The following KANSL1 variants were observed in gnomAD, a reference collection of about 807,000 sequenced individuals.
KANSL1 encodes the protein MLL1/MLL complex subunit KANSL1.
KANSL1 carries 22 observed loss-of-function variants against 103.6 expected under a neutral mutation model. The observed-to-expected ratio is 0.21, with a 90% CI of 0.15 to 0.30. The LOEUF is 0.30. Ranked by LOEUF, KANSL1 falls within the 10% of genes least tolerant of loss-of-function variation. KANSL1 has a pLI of 1.00. For missense variants in KANSL1, 1,337 were observed against 1,399.8 expected, an observed-to-expected ratio of 0.96 and a Z score of 0.72; for synonymous variants, 600 against 527.6, an observed-to-expected ratio of 1.14 and a Z score of -1.88.
chr17:46,191,192 C>T (rs981999634), intron 1 of KANSL1, among the ~76,000 whole-genome samples: 1 of 152,176 alleles, frequency 6.6e-6, no homozygotes, highest in Non-Finnish European at 1.5e-5. Context: ...AAAGGAATAA[C>T]ATACTTCTAA....
At chr17:46,086,307 C>CTATT (rs2079161658) in intron 3 of KANSL1, among the ~76,000 whole-genome samples, 1 of 152,196 alleles carries the variant, frequency 6.6e-6, no homozygotes, top group Admixed American at 6.5e-5. Flanking sequence ...TAGGGACCAT[C>CTATT]TATTCATCGA....
At chr17:46,199,927 T>C (rs915165535) in intron 1 of KANSL1, among the ~76,000 whole-genome samples, 1 of 152,164 alleles carries the variant, frequency 6.6e-6, no homozygotes, top group Non-Finnish European at 1.5e-5. Context: ...CCAAGATTGT[T>C]GGTCTTCTCC....
At chr17:46,210,053 C>T (rs1249841677) in intron 1 of KANSL1, among the ~76,000 whole-genome samples, 1 of 152,244 alleles carries the variant, frequency 6.6e-6, no homozygotes, top group Non-Finnish European at 1.5e-5. Context: ...ACTGCCCAAA[C>T]TAGCAAATCT....
upstream of KANSL1, among the ~76,000 whole-genome samples, chr17:46,198,247 A>G (rs1307631507): frequency 2.0e-5 from 3 of 152,168 alleles, no homozygotes; most frequent in South Asian, 4.1e-4. Context: ...GCTCTGTAAA[A>G]TGGAGATAGT....
At chr17:46,153,416 A>G (rs2045234850) in intron 2 of KANSL1, among the ~76,000 whole-genome samples, 1 of 152,262 alleles carries the variant, frequency 6.6e-6, no homozygotes, top group South Asian at 2.1e-4. Context: ...CTGTGGAAAT[A>G]AATGTTCTGG....
chr17:46,118,345 A>C (rs917713545), intron 2 of KANSL1, among the ~76,000 whole-genome samples: 2 of 152,242 alleles, frequency 1.3e-5, no homozygotes, highest in Non-Finnish European at 2.9e-5. Flanking sequence ...ACTATTAGCT[A>C]AACAGTAGCC....
intron 7 of KANSL1, chr17:46,042,686 C>A (rs988159288): frequency 2.0e-5 from 3 of 151,828 alleles, no homozygotes; most frequent in Non-Finnish European, 2.9e-5. Flanking sequence ...TTTAGCCACT[C>A]CTGCCTATGG....
intron 2 of KANSL1, chr17:46,170,404 C>T (rs2046222994): frequency 5.7e-6 from 1 of 174,878 alleles, no homozygotes; most frequent in African/African-American, 2.4e-5. Context: ...GGTGTGCTCT[C>T]TGCTGAAAGT....
intron 3 of KANSL1, among the ~76,000 whole-genome samples, chr17:46,085,151 T>C (rs116711646): frequency 0.026 from 3,935 of 152,290 alleles, 174 homozygotes; most frequent in African/African-American, 0.09. Context: ...AATGTTTCAA[T>C]GAATGTGAAG....
chr17:46,135,542 A>ATTTTTTTTTTTTTTT (rs34258265), intron 2 of KANSL1, among the ~76,000 whole-genome samples: 2 of 119,076 alleles, frequency 1.7e-5, no homozygotes, highest in Non-Finnish European at 3.4e-5. Flanking sequence ...TCAACTATAC[A>ATTTTTTTTTTTTTTT]TTTTTTTTTT....
At chr17:46,142,212 C>CA (rs1269842674) in intron 2 of KANSL1, among the ~76,000 whole-genome samples, 1 of 152,194 alleles carries the variant, frequency 6.6e-6, no homozygotes, top group African/African-American at 2.4e-5. Context: ...AAGCTAAAGG[C>CA]AAAAGATCAA....
chr17:46,119,571 C>T (rs1208651799), intron 2 of KANSL1, among the ~76,000 whole-genome samples: 6 of 152,224 alleles, frequency 3.9e-5, no homozygotes, highest in African/African-American at 7.2e-5. Context: ...CCTCCCAAAG[C>T]GCTGGGGATA....
chr17:46,124,233 TATAAA>T (rs2043415231), intron 2 of KANSL1, among the ~76,000 whole-genome samples: 1 of 152,242 alleles, frequency 6.6e-6, no homozygotes. Flanking sequence ...ACCCCGTCTC[TATAAA>T]ATAAAATAAA....
chr17:46,116,542 C>CCAACAACAA (rs113260576), intron 2 of KANSL1, among the ~76,000 whole-genome samples: 5 of 151,984 alleles, frequency 3.3e-5, no homozygotes, highest in African/African-American at 4.8e-5. Context: ...AAAACAAAAA[C>CCAACAACAA]CAACAACAAC....
intron 2 of KANSL1, 112 bp from the exon 3 acceptor site, chr17:46,094,813 G>C (rs2041992745): frequency 1.6e-6 from 2 of 1,278,762 alleles, no homozygotes; most frequent in Non-Finnish European, 1.1e-6. Flanking sequence ...ACTAACTCTA[G>C]TGTCAAGAAA....
At chr17:46,100,825 A>T (rs1284612542) in intron 2 of KANSL1, among the ~76,000 whole-genome samples, 1 of 152,254 alleles carries the variant, frequency 6.6e-6, no homozygotes, top group Non-Finnish European at 1.5e-5. Flanking sequence ...AAATTTTTTT[A>T]AATCTCATTA....
intron 1 of KANSL1, among the ~76,000 whole-genome samples, chr17:46,190,143 A>G (rs889996757): frequency 6.6e-6 from 1 of 152,262 alleles, no homozygotes. Context: ...CAGAAGACGC[A>G]GAGACACTGG....
intron 10 of KANSL1, chr17:46,035,217 A>C (rs984092075): frequency 2.0e-5 from 3 of 152,482 alleles, no homozygotes; most frequent in African/African-American, 7.2e-5. Context: ...GTGGCATAAC[A>C]AACACGCTGC....
rs1425463922 is a variant in KANSL1, at chr17:46,051,081, A to G, written c.1849-377T>C. On this transcript the variant is annotated intron_variant, in intron 6 of 14. Coordinates refer to ENST00000432791, the MANE Select transcript of KANSL1 (RefSeq NM_015443.4). ...CGACCTTGATGGTCCGCTAAGACGA[A>G]CAGTTGGTTCTTGATTCCCAGGTGG... 1.6e-4 allele frequency among the ~76,000 whole-genome samples: 24 copies of G among 152,332 alleles called. 1 individual carries two copies. Among genetic ancestry groups the G allele is most frequent in the Non-Finnish European group, 4.4e-5 (3 of 68,036 alleles).
Sources: gnomAD v4.1 joint callset for allele counts (sites outside exome capture counted in the v4.1 genomes callset) on GRCh38, gnomAD v4.1.1 for gene constraint, MANE v1.5 for transcripts, NCBI Gene and HGNC (gene_info 2026-07-23, HGNC 2026-07-21) for gene names.